The following FBRSL1 variants were observed in gnomAD, a reference collection of about 807,000 sequenced individuals.
FBRSL1 encodes the protein fibrosin like 1.
Under a neutral mutation model 89.6 loss-of-function variants are expected in FBRSL1, and 51 were observed. That is an observed-to-expected ratio of 0.57 (90% CI 0.45 to 0.72). The LOEUF (loss-of-function observed/expected upper bound fraction) is 0.72. FBRSL1 is among the 30% of genes least tolerant of loss of function. FBRSL1 has a pLI of 0.00. For missense variants in FBRSL1, 1,618 were observed against 1,451.8 expected (o/e 1.11, Z -1.86); for synonymous variants, 779 against 681.1 (o/e 1.14, Z -2.24).
At chr12:132,500,953 C>G (rs575900680) in intron 1 of FBRSL1, among the ~76,000 whole-genome samples, 1 of 152,362 alleles carries the variant, frequency 6.6e-6, no homozygotes, top group African/African-American at 2.4e-5. Flanking sequence ...CCATGCCTCA[C>G]TCGCCTGCCC....
intron 14 of FBRSL1, 134 bp downstream of exon 14, chr12:132,574,698 C>A: frequency 8.6e-7 from 1 of 1,169,230 alleles, no homozygotes; most frequent in Non-Finnish European, 1.2e-6. Context: ...GAGCCGCCTG[C>A]CCCTTCCTCT....
chr12:132,507,506 G>A, intron 1 of FBRSL1: 2 of 862,918 alleles, frequency 2.3e-6, no homozygotes, highest in Non-Finnish European at 2.8e-6. Context: ...GCTAGAAGGT[G>A]CTCTGAAGGA....
chr12:132,546,631 G>C lies in FBRSL1; in HGVS notation c.616-1372G>C, dbSNP rs927279848. On this transcript the variant is annotated intron_variant, in intron 4 of 18. Coordinates refer to ENST00000680143, the MANE Select transcript of FBRSL1 (RefSeq NM_001367871.1). The surrounding 1 kb of genome is among the most constrained non-coding windows in gnomAD (Gnocchi z 4.0). The stretch of plus-strand genomic sequence containing the variant: ...GGACCCTAGGAGAGGGCTTGGCCAC[G>C]GCTGAAAGGCCAGACCAGGGGGGAC... Among the ~76,000 whole-genome samples the C allele has an allele frequency of 6.6e-6, 1 of 152,010 alleles. No homozygotes were observed. The highest frequency in any genetic ancestry group is 2.1e-4 in the South Asian group (1 of 4,828).
At chr12:132,580,614 T>C (rs2040679942) in intron 15 of FBRSL1, among the ~76,000 whole-genome samples, 1 of 152,174 alleles carries the variant, frequency 6.6e-6, no homozygotes, top group Non-Finnish European at 1.5e-5. Context: ...GCTGTCTTCC[T>C]CTCTAGTTTA....
intron 4 of FBRSL1, among the ~76,000 whole-genome samples, chr12:132,531,456 C>T (rs1223856139): frequency 2.6e-5 from 4 of 152,138 alleles, no homozygotes; most frequent in East Asian, 1.9e-4. Context: ...GTGTGCAGCT[C>T]GTGTCCGTGG....
In FBRSL1 at chr12:132,490,436, C is replaced by CG; in HGVS notation, c.-135_-134insG. ...CCGGCATGCCCGGCCCGGCCCGCCGCCCGCCGCCGCCCAGGGCCCGAGCCC... is the reference window on the plus strand; with the variant it reads ...CCGGCATGCCCGGCCCGGCCCGCCGCGCCGCCGCCGCCCAGGGCCCGAGCCC... On this transcript the variant is annotated 5_prime_UTR_variant, in exon 1 of 19. The change abolishes the stop of an existing upstream ORF in the 5' untranslated region. Transcript: ENST00000680143. 1 of 587,768 alleles carries CG rather than the reference C, an allele frequency of 1.7e-6. No individual in the cohort carries two copies. The allele number at this position is 587,768 out of a possible 1,614,324, so 36.4% of individuals were successfully genotyped here.
chr12:132,581,781 C>T lies in FBRSL1; in HGVS notation c.1953C>T (p.Ser651=). The change falls in exon 17 of 19, where the codon AGC becomes AGT. Residue 651 remains serine (S), a synonymous_variant. Coordinates refer to ENST00000680143, the MANE Select transcript of FBRSL1 (RefSeq NM_001367871.1). ...CGAGCACCTTTGGGGGCCTGGGCAG[C>T]CTGAGCAGCCACGCCTTTGGGGGCC... ...SRPSTFGGLG[S]LSSHAFGGLG... 1.3e-6 allele frequency: 2 copies of T among 1,549,662 alleles called. No homozygotes were observed. Among genetic ancestry groups the T allele is most frequent in the Non-Finnish European group, 1.7e-6 (2 of 1,146,582 alleles).
chr12:132,575,316 C>G (rs2040313668), intron 14 of FBRSL1, among the ~76,000 whole-genome samples: 2 of 152,238 alleles, frequency 1.3e-5, no homozygotes, highest in Non-Finnish European at 2.9e-5. Flanking sequence ...CAAGCTCCGC[C>G]TCCCGGGTTC....
intron 5 of FBRSL1, among the ~76,000 whole-genome samples, chr12:132,564,652 C>T (rs35336325): frequency 0.061 from 6,198 of 101,452 alleles, 489 homozygotes; most frequent in African/African-American, 0.14. Context: ...CCCGCCACCA[C>T]GCCCGGCTAA....
intron 5 of FBRSL1, among the ~76,000 whole-genome samples, chr12:132,564,830 C>G (rs963068323): frequency 6.6e-6 from 1 of 150,546 alleles, no homozygotes; most frequent in East Asian, 2.0e-4. Context: ...GGGGTTTCAC[C>G]GTGTTGGCCA....
At chr12:132,529,636 AGCTCTGCCACCCTGGGCTTG>A (rs1427281321) in intron 4 of FBRSL1, among the ~76,000 whole-genome samples, 7 of 120,022 alleles carry the variant, frequency 5.8e-5, no homozygotes, top group African/African-American at 1.7e-4. Flanking sequence ...TGCCACCCTA[AGCTCTGCCACCCTGGGCTTG>A]GCTCTGCCAC....
intron 2 of FBRSL1, chr12:132,512,044 A>G (rs953708960): frequency 2.0e-6 from 2 of 982,246 alleles, no homozygotes; most frequent in Non-Finnish European, 2.4e-6. Flanking sequence ...CTCGGGATTC[A>G]TTGCACTCTG....
intron 1 of FBRSL1, chr12:132,507,484 G>A: frequency 1.1e-6 from 1 of 946,426 alleles, no homozygotes; most frequent in South Asian, 4.9e-5. Flanking sequence ...AGTGTCCTGG[G>A]GCTGTCCGCA....
intron 2 of FBRSL1, chr12:132,511,876 C>T (rs1337691520): frequency 5.3e-6 from 4 of 759,156 alleles, no homozygotes; most frequent in Non-Finnish European, 6.4e-6. Context: ...TCACCTGGGG[C>T]CTCCATCCCA....
rs1004257872 is a variant in FBRSL1, at chr12:132,583,705, T to C, written c.2936T>C (p.Leu979Pro). Residue 979 changes from leucine (L) to proline (P), a missense_variant, in exon 19 of 19, where the codon CTG becomes CCG. By Grantham distance (98) the Leu-to-Pro change is moderately conservative. Transcript: ENST00000680143. ...PGPPRSRTTP[L>P]GGLGPGEARD... ...CCGCCGCGGAGCCGGACTACTCCGCTGGGGGGCCTCGGGCCGGGCGAGGCG... is the reference window on the plus strand; with the variant it reads ...CCGCCGCGGAGCCGGACTACTCCGCCGGGGGGCCTCGGGCCGGGCGAGGCG... The C allele has an allele frequency of 1.3e-5, 16 of 1,195,450 alleles. No individual in the cohort carries two copies. In the Admixed American group the frequency reaches 6.3e-4, roughly 47 times the overall value. The allele number at this position is 1,195,450 out of a possible 1,614,324, so 74.1% of individuals were successfully genotyped here. A position where few individuals can be genotyped will look rare whatever the true frequency, so the allele number is the denominator to read the frequency against.
chr12:132,541,343 T>G (rs1307816935), intron 4 of FBRSL1, among the ~76,000 whole-genome samples: 1 of 152,158 alleles, frequency 6.6e-6, no homozygotes, highest in African/African-American at 2.4e-5. Flanking sequence ...TGCCTCACCC[T>G]CAAGTGCCAG....
chr12:132,539,377 A>ACCCAGTCCTGCCCTCCAGCCCCG (rs2037033652), intron 4 of FBRSL1, among the ~76,000 whole-genome samples: 1 of 114,600 alleles, frequency 8.7e-6, no homozygotes, highest in Non-Finnish European at 1.8e-5. Flanking sequence ...CTCCAGCCCC[A>ACCCAGTCCTGCCCTCCAGCCCCG]TGTCCACCCA....
chr12:132,516,067 A>G (rs2034815027), intron 2 of FBRSL1, among the ~76,000 whole-genome samples: 2 of 152,208 alleles, frequency 1.3e-5, no homozygotes, highest in Non-Finnish European at 2.9e-5. Context: ...CATTACAGGC[A>G]CTATAGACAC....
At chr12:132,560,135 G>C (rs531601504) in intron 5 of FBRSL1, 5 of 151,818 alleles carry the variant, frequency 3.3e-5, no homozygotes, top group Non-Finnish European at 5.9e-5. Context: ...TCGCCTGGAC[G>C]GGCCAGGGCC....
Sources: allele counts gnomAD v4.1 joint callset (sites outside exome capture counted in the v4.1 genomes callset), GRCh38; gene constraint gnomAD v4.1.1; non-coding constraint Gnocchi (gnomAD v3.1); transcripts MANE v1.5; gene names NCBI Gene and HGNC (gene_info 2026-07-23, HGNC 2026-07-21).